SLC4A10: variants seen among roughly 807,000 people sequenced by gnomAD.
SLC4A10 encodes solute carrier family 4 member 10.
Under a neutral mutation model 137.7 loss-of-function variants are expected in SLC4A10, and 42 were observed. The ratio of observed to expected loss-of-function variants is 0.30; its 90% CI spans 0.24 to 0.39. The LOEUF (loss-of-function observed/expected upper bound fraction) is 0.39. Ranked by LOEUF, SLC4A10 falls within the 10% of genes least tolerant of loss-of-function variation. The pLI is 1.00. For synonymous variants in SLC4A10, 474 were observed against 464.1 expected (o/e 1.02, Z -0.27); for missense variants, 925 against 1,355.0 (o/e 0.68, Z 4.98).
chr2:161,708,793 T>A (rs762625143), intron 1 of SLC4A10: 1 of 1,532,752 alleles, frequency 6.5e-7, no homozygotes. Flanking sequence ...TCATGCAGTC[T>A]GGAACCTGTG....
At chr2:161,642,075 C>A (rs534684035) in intron 1 of SLC4A10, among the ~76,000 whole-genome samples, 2 of 152,052 alleles carry the variant, frequency 1.3e-5, no homozygotes, top group South Asian at 4.1e-4. Flanking sequence ...ATTCAGTATT[C>A]CTAACCTTTC....
chr2:161,961,759 G>C (rs569198046), intron 21 of SLC4A10, among the ~76,000 whole-genome samples: 1 of 152,036 alleles, frequency 6.6e-6, no homozygotes, highest in Non-Finnish European at 1.5e-5. Flanking sequence ...GAACAAGAAC[G>C]TCAAGTTTTG....
intron 11 of SLC4A10, 133 bp from the exon 12 acceptor site, chr2:161,900,778 C>A: frequency 1.7e-6 from 1 of 586,352 alleles, no homozygotes; most frequent in Non-Finnish European, 3.0e-6. Flanking sequence ...GGTCAAGCAA[C>A]AAGTAAGTAC....
At chr2:161,821,596 T>A (rs1211953014) in intron 3 of SLC4A10, among the ~76,000 whole-genome samples, 1 of 152,164 alleles carries the variant, frequency 6.6e-6, no homozygotes, top group East Asian at 1.9e-4. Context: ...CACTCCAGAC[T>A]GTGTGACAGA....
chr2:161,889,027 C>T (rs1251808007), intron 10 of SLC4A10, among the ~76,000 whole-genome samples: 1 of 152,146 alleles, frequency 6.6e-6, no homozygotes, highest in Non-Finnish European at 1.5e-5. Flanking sequence ...GCCTTTTCTG[C>T]ATCTGTTGGA....
chr2:161,833,753 C>A (rs1428629076), intron 3 of SLC4A10, among the ~76,000 whole-genome samples: 1 of 152,172 alleles, frequency 6.6e-6, no homozygotes, highest in African/African-American at 2.4e-5. Context: ...CAAAGCCATA[C>A]AACAATTGGC....
intron 2 of SLC4A10, among the ~76,000 whole-genome samples, chr2:161,780,234 A>G (rs1021616537): frequency 4.6e-5 from 7 of 152,076 alleles, no homozygotes; most frequent in Non-Finnish European, 8.8e-5. Context: ...TAGCTATGCT[A>G]AAAGAATAGA....
chr2:161,895,225 C>G (rs1324908329), intron 11 of SLC4A10, among the ~76,000 whole-genome samples: 1 of 151,982 alleles, frequency 6.6e-6, no homozygotes, highest in East Asian at 1.9e-4. Context: ...CATCCATGTC[C>G]CTACAAAGGA....
At chr2:161,957,500 C>T (rs1195024901) in intron 20 of SLC4A10, among the ~76,000 whole-genome samples, 2 of 152,076 alleles carry the variant, frequency 1.3e-5, no homozygotes, top group Admixed American at 6.6e-5. Flanking sequence ...AATTTTGAAT[C>T]GGTGATCAAG....
chr2:161,867,218 A>G (rs1330230690), intron 6 of SLC4A10, among the ~76,000 whole-genome samples: 1 of 151,952 alleles, frequency 6.6e-6, no homozygotes, highest in African/African-American at 2.4e-5. Context: ...AATCAGACCT[A>G]TTACATTGTA....
intron 15 of SLC4A10, among the ~76,000 whole-genome samples, chr2:161,916,392 C>G (rs1383695514): frequency 6.6e-6 from 1 of 152,182 alleles, no homozygotes; most frequent in Non-Finnish European, 1.5e-5. Flanking sequence ...TCTTCACTCT[C>G]TCTACCTCTG....
At position 161,707,888 on chromosome 2, in the gene SLC4A10, A is replaced by C. The variant is rs370462003; in HGVS notation, c.49-63085A>C. Among the ~76,000 whole-genome samples the C allele has an allele frequency of 5.9e-4, 90 of 151,572 alleles. No individual in the cohort carries two copies. In the South Asian group the frequency reaches 0.017, roughly 29 times the overall value. On this transcript the variant is annotated intron_variant, in intron 1 of 26. Transcript: ENST00000446997. ...TATTTACCTATTTACTATTTACACA[A>C]CTATCAAAGATTGCCAAAATAAAAA...
At chr2:161,891,000 A>T (rs1367759407) in intron 10 of SLC4A10, among the ~76,000 whole-genome samples, 2 of 152,072 alleles carry the variant, frequency 1.3e-5, no homozygotes, top group African/African-American at 4.8e-5. Context: ...GTAGTGACAA[A>T]ATCTCTCAGC....
At chr2:161,755,645 A>T (rs551160507) in intron 1 of SLC4A10, among the ~76,000 whole-genome samples, 1 of 152,082 alleles carries the variant, frequency 6.6e-6, no homozygotes, top group Non-Finnish European at 1.5e-5. Flanking sequence ...TGTCTTTTAG[A>T]GATTTTACAT....
chr2:161,774,536 C>T lies in SLC4A10; in HGVS notation c.130+3482C>T, dbSNP rs1443264340. 1.3e-5 allele frequency among the ~76,000 whole-genome samples: 2 copies of T among 151,784 alleles called. 1 individual carries two copies. The highest frequency in any genetic ancestry group is 1.3e-4 in the Admixed American group (2 of 15,194). Reference sequence around the variant, plus strand: ...TTGATGGCTTATACCTACGTTCCTCCCCAAGAATTACCTTCAGCTGAAAGG... The same window carrying T: ...TTGATGGCTTATACCTACGTTCCTCTCCAAGAATTACCTTCAGCTGAAAGG... On this transcript the variant is annotated intron_variant, in intron 2 of 26. Transcript: ENST00000446997.
In SLC4A10 at chr2:161,689,533, C is replaced by A. The variant is rs77130817; in HGVS notation, c.48+64967C>A. On this transcript the variant is annotated intron_variant, in intron 1 of 26. Coordinates refer to ENST00000446997, the MANE Select transcript of SLC4A10 (RefSeq NM_001178015.2). ...TAGCATAGGTGTGTAGTAGGCTATC[C>A]CCTCCAGATTTTAAGTACACTCTAT... Among the ~76,000 whole-genome samples the A allele has an allele frequency of 1.1e-3, 167 of 152,170 alleles. 2 individuals carry two copies. The East Asian group carries it at 0.027, about 25-fold the overall frequency.
intron 1 of SLC4A10, among the ~76,000 whole-genome samples, chr2:161,643,230 T>C (rs1297086540): frequency 6.6e-6 from 1 of 152,094 alleles, no homozygotes; most frequent in African/African-American, 2.4e-5. Flanking sequence ...AGGAATGTGC[T>C]GTTGTGCTAT....
intron 3 of SLC4A10, among the ~76,000 whole-genome samples, chr2:161,833,000 A>G (rs1575179805): frequency 6.6e-6 from 1 of 152,192 alleles, no homozygotes; most frequent in Non-Finnish European, 1.5e-5. Context: ...TCAGTCTCCC[A>G]AAGTGCAGTG....
intron 15 of SLC4A10, among the ~76,000 whole-genome samples, chr2:161,906,428 T>G (rs1209611843): frequency 6.6e-6 from 1 of 152,224 alleles, no homozygotes; most frequent in Non-Finnish European, 1.5e-5. Context: ...ATATTAGTTG[T>G]TGAAGTTGAT....
Sources: gnomAD v4.1 joint callset for allele counts (sites outside exome capture counted in the v4.1 genomes callset) on GRCh38, gnomAD v4.1.1 for gene constraint, MANE v1.5 for transcripts, NCBI Gene and HGNC (gene_info 2026-07-23, HGNC 2026-07-21) for gene names.